Variants in TP53BP2 observed in about 807,000 individuals in gnomAD.
TP53BP2 encodes the protein apoptosis-stimulating of p53 protein 2.
In TP53BP2, 62 loss-of-function variants were observed where a neutral mutation model predicts 126.2. The observed-to-expected ratio is 0.49, with a 90% CI of 0.40 to 0.61. The LOEUF (loss-of-function observed/expected upper bound fraction) is 0.61, where lower values mean the gene tolerates loss of function less well. TP53BP2 is among the 20% of genes least tolerant of loss of function. The pLI, the probability that TP53BP2 is intolerant of heterozygous loss-of-function variation, is 0.00. For synonymous variants in TP53BP2, 485 were observed against 502.9 expected (o/e 0.96, Z 0.48); for missense variants, 1,215 against 1,402.8 (o/e 0.87, Z 2.14).
intron 13 of TP53BP2, among the ~76,000 whole-genome samples, chr1:223,794,202 A>T (rs1014346704): frequency 6.6e-6 from 1 of 152,202 alleles, no homozygotes; most frequent in African/African-American, 2.4e-5. Flanking sequence ...AGTATCCTGT[A>T]AAACAGGTTT....
In TP53BP2 at chr1:223,803,263, CG is replaced by C. The variant is rs769913054; in HGVS notation, c.831+7del. On this transcript the variant is annotated splice_region_variant and intron_variant, in intron 7 of 17. Coordinates refer to ENST00000343537, the MANE Select transcript of TP53BP2 (RefSeq NM_001031685.3). ...TTGTACAGCTTTTGGCAAACAGCTA[CG>C]GTCTACCTGCAGCTCCTTATAGAGG... 1 of 1,602,048 alleles carries C rather than the reference CG, an allele frequency of 6.2e-7. No homozygotes were observed. Among genetic ancestry groups the C allele is most frequent in the Non-Finnish European group, 8.5e-7 (1 of 1,175,596 alleles).
At chr1:223,845,262 CAGTAAAA>C in intron 1 of TP53BP2, 2 of 985,118 alleles carry the variant, frequency 2.0e-6, no homozygotes, top group Non-Finnish European at 2.4e-6. Flanking sequence ...TGTTTCACTC[CAGTAAAA>C]AGTAAAAAGA....
intron 16 of TP53BP2, among the ~76,000 whole-genome samples, chr1:223,788,592 A>C (rs576288190): frequency 5.9e-5 from 9 of 152,356 alleles, no homozygotes; most frequent in Admixed American, 5.2e-4. Flanking sequence ...TCACTTTATG[A>C]CAAGTTTGAT....
chr1:223,808,857 T>C (rs745401864), intron 4 of TP53BP2, among the ~76,000 whole-genome samples: 13 of 151,664 alleles, frequency 8.6e-5, no homozygotes, highest in Non-Finnish European at 1.8e-4. Context: ...AATAAGCACA[T>C]GAAAAGATGT....
intron 2 of TP53BP2, 102 bp downstream of exon 2, chr1:223,821,118 T>G: frequency 6.8e-7 from 1 of 1,464,176 alleles, no homozygotes; most frequent in South Asian, 1.2e-5. Context: ...ATTCTCCAGT[T>G]TCTCCCCGGA....
In TP53BP2 at chr1:223,800,710, A is replaced by C; in HGVS notation, c.1326T>G (p.Ala442=). Residue 442 remains alanine, a synonymous_variant, in exon 10 of 18, where the codon GCT becomes GCG. Transcript: ENST00000343537. ...SASVPQSTGN[A]LDQVDDGEVP... ...ACAAATAAATCTCACCTTGATCCAG[A>C]GCATTCCCAGTGCTTTGAGGTACAG... is the stretch of plus-strand genomic sequence containing the variant. 1 of 1,598,774 alleles carries C rather than the reference A, an allele frequency of 6.3e-7. No homozygotes were observed. Among genetic ancestry groups the C allele is most frequent in the Non-Finnish European group, 8.5e-7 (1 of 1,176,128 alleles).
chr1:223,798,375 G>A lies in TP53BP2; in HGVS notation c.1788C>T (p.Ser596=). 1.2e-6 allele frequency: 2 copies of A among 1,614,142 alleles called. No homozygotes were observed. Among genetic ancestry groups the A allele is most frequent in the Non-Finnish European group, 1.7e-6 (2 of 1,180,032 alleles). The change falls in exon 12 of 18, where the codon TCC becomes TCT. Residue 596 remains serine, a synonymous_variant. Coordinates refer to ENST00000343537, the MANE Select transcript of TP53BP2 (RefSeq NM_001031685.3). The part of the protein sequence containing the change: ...AAVRPFTPQP[S]KDTLLPPFRK... ...TGAAGGGTGGAAGTAAGGTGTCTTT[G>A]GAAGGCTGGGGAGTAAAGGGCCGGA...
intron 3 of TP53BP2, among the ~76,000 whole-genome samples, chr1:223,812,389 CT>C (rs11433217): frequency 6.6e-6 from 1 of 151,572 alleles, no homozygotes. Context: ...TAAAACTGAA[CT>C]TTTTTTTTGG....
At chr1:223,802,642 G>A in intron 8 of TP53BP2, 89 bp downstream of exon 8, 1 of 1,445,456 alleles carries the variant, frequency 6.9e-7, no homozygotes. Flanking sequence ...ACTGAGTAAT[G>A]ATTCTGAAGA....
chr1:223,791,828 A>C (rs1662165868), intron 15 of TP53BP2, among the ~76,000 whole-genome samples: 1 of 152,148 alleles, frequency 6.6e-6, no homozygotes, highest in African/African-American at 2.4e-5. Flanking sequence ...AGTTTTGGGG[A>C]TGACAGGACC....
At chr1:223,835,906 G>C (rs773390144) in intron 1 of TP53BP2, among the ~76,000 whole-genome samples, 3 of 151,998 alleles carry the variant, frequency 2.0e-5, no homozygotes, top group Non-Finnish European at 4.4e-5. Flanking sequence ...TTGAAGTCCA[G>C]TGAGAACAGA....
intron 1 of TP53BP2, among the ~76,000 whole-genome samples, chr1:223,843,428 C>T (rs918154357): frequency 2.0e-5 from 3 of 152,192 alleles, no homozygotes; most frequent in Admixed American, 6.5e-5. Flanking sequence ...CTCGACCTCC[C>T]AAAGTGCTGA....
chr1:223,787,446 A>C (rs921849827), intron 16 of TP53BP2, among the ~76,000 whole-genome samples: 4 of 151,968 alleles, frequency 2.6e-5, no homozygotes, highest in African/African-American at 9.7e-5. Flanking sequence ...TATGGTCCAG[A>C]GTTTAAAACA....
At chr1:223,783,386 C>T (rs1411733008) in intron 17 of TP53BP2, among the ~76,000 whole-genome samples, 1 of 152,202 alleles carries the variant, frequency 6.6e-6, no homozygotes, top group Non-Finnish European at 1.5e-5. Context: ...CCTTCCTCAA[C>T]CCTTTCCTTA....
intron 1 of TP53BP2, among the ~76,000 whole-genome samples, chr1:223,826,806 T>C (rs900997510): frequency 3.3e-5 from 5 of 152,080 alleles, no homozygotes; most frequent in Non-Finnish European, 7.4e-5. Context: ...GGCATGAAAG[T>C]CCAATTAAGA....
Position 223,793,422 on chromosome 1 carries a change from G to T in TP53BP2, c.2743C>A (p.Arg915Ser). ...SLPPGKRTNL[R>S]KTGSERIAHG... Reference sequence around the variant, plus strand: ...GCGATACGCTCTGAGCCAGTTTTACGCAAGTTTGTCCTTTTACCCTGCAAA... The same window carrying T: ...GCGATACGCTCTGAGCCAGTTTTACTCAAGTTTGTCCTTTTACCCTGCAAA... The change falls in exon 14 of 18, where the codon CGT becomes AGT. Residue 915 changes from arginine to serine, a missense_variant. Arg to Ser is a moderately radical substitution (Grantham distance 110). This residue lies in a region of TP53BP2 where 204 missense variants were observed against 225.7 expected (regional missense o/e 0.90). Coordinates refer to ENST00000343537, the MANE Select transcript of TP53BP2 (RefSeq NM_001031685.3). 6.3e-7 allele frequency: 1 copy of T among 1,593,158 alleles called. No individual in the cohort carries two copies. Among genetic ancestry groups the T allele is most frequent in the East Asian group, 2.3e-5 (1 of 44,122 alleles).
chr1:223,813,981 G>C (rs1015315556), intron 3 of TP53BP2, among the ~76,000 whole-genome samples: 1 of 152,056 alleles, frequency 6.6e-6, no homozygotes, highest in Admixed American at 6.5e-5. Context: ...TCAGGGCTGT[G>C]GAAGGACCTA....
chr1:223,797,780 ATG>A (rs34287817), intron 12 of TP53BP2, among the ~76,000 whole-genome samples: 144 of 151,318 alleles, frequency 9.5e-4, no homozygotes, highest in African/African-American at 1.6e-3. Flanking sequence ...TATGTGTGTG[ATG>A]TGTGTGTGTG....
chr1:223,812,853 T>A (rs975041727), intron 3 of TP53BP2, among the ~76,000 whole-genome samples: 2 of 151,518 alleles, frequency 1.3e-5, no homozygotes, highest in African/African-American at 2.4e-5. Context: ...TGAGCCACCA[T>A]ACCCGGCCTA....
Sources: gnomAD v4.1 joint callset for allele counts (sites outside exome capture counted in the v4.1 genomes callset) on GRCh38, gnomAD v4.1.1 for gene constraint, gnomAD v4.1.1 regional missense constraint, MANE v1.5 for transcripts, NCBI Gene and HGNC (gene_info 2026-07-23, HGNC 2026-07-21) for gene names.